DGLUCY: variants seen among roughly 807,000 people sequenced by gnomAD.
The protein encoded by DGLUCY is D-glutamate cyclase.
Under a neutral mutation model 58.5 loss-of-function variants are expected in DGLUCY, and 58 were observed. That is an observed-to-expected ratio of 0.99 (90% CI 0.80 to 1.23). The LOEUF is 1.23. Among genes scored for constraint, DGLUCY ranks in the 50% most tolerant of loss-of-function variants. The pLI, the probability that DGLUCY is intolerant of heterozygous loss-of-function variation, is 0.00. For missense variants in DGLUCY, 779 were observed against 784.7 expected, an observed-to-expected ratio of 0.99 and a Z score of 0.09; for synonymous variants, 325 against 314.1, an observed-to-expected ratio of 1.03 and a Z score of -0.37.
chr14:91,129,560 A>AC (rs1238137975), intron 1 of DGLUCY, among the ~76,000 whole-genome samples: 2 of 150,700 alleles, frequency 1.3e-5, no homozygotes, highest in African/African-American at 4.9e-5. Context: ...ATATAGGGAG[A>AC]CCCCTTCACT....
chr14:91,137,996 G>C (rs567304023), intron 1 of DGLUCY, among the ~76,000 whole-genome samples: 1 of 152,076 alleles, frequency 6.6e-6, no homozygotes, highest in Non-Finnish European at 1.5e-5. Flanking sequence ...AAGACACTGC[G>C]TGATTCAGTT....
chr14:91,130,756 C>T (rs2045983013), intron 1 of DGLUCY, among the ~76,000 whole-genome samples: 1 of 151,898 alleles, frequency 6.6e-6, no homozygotes, highest in Non-Finnish European at 1.5e-5. Flanking sequence ...GTAGTTGGGA[C>T]CACAGATGTG....
In DGLUCY at chr14:91,188,942, G is replaced by A; in HGVS notation, c.967G>A (p.Asp323Asn). ...GGGGATTGGGCACCTGCTCTGTAAAGATGAGCTGCTGAAGGCCTCTCTCTC... is the reference window on the plus strand; with the variant it reads ...GGGGATTGGGCACCTGCTCTGTAAAAATGAGCTGCTGAAGGCCTCTCTCTC... ...NRGIGHLLCK[D>N]ELLKASLSLS... The change falls in exon 9 of 14, where the codon GAT becomes AAT. Residue 323 changes from aspartate (D) to asparagine (N), a missense_variant. Asp to Asn is a conservative substitution (Grantham distance 23). Transcript: ENST00000256324. The A allele has an allele frequency of 2.5e-6, 4 of 1,614,188 alleles. No individual in the cohort carries two copies. The highest frequency in any genetic ancestry group is 2.2e-5 in the East Asian group (1 of 44,890).
intron 1 of DGLUCY, among the ~76,000 whole-genome samples, chr14:91,080,323 G>T (rs997536327): frequency 6.6e-6 from 1 of 152,188 alleles, no homozygotes; most frequent in South Asian, 2.1e-4. Context: ...TAGGACTGCC[G>T]AATCATACAG....
At position 91,073,021 on chromosome 14, in the gene DGLUCY, A is replaced by G. The variant is rs578239564; in HGVS notation, c.-82+12317A>G. Among the ~76,000 whole-genome samples, 97 of 151,950 alleles carry G rather than the reference A, an allele frequency of 6.4e-4. 1 individual carries two copies. Among genetic ancestry groups the G allele is most frequent in the Non-Finnish European group, 1.1e-3 (73 of 67,932 alleles). The stretch of plus-strand genomic sequence containing the variant: ...AAAAAATAAAAAACATAAAATAAAA[A>G]TAACAGTCATTTTTCTTGAGTAGTG... On this transcript the variant is annotated intron_variant, in intron 1 of 4. Coordinates refer to the DGLUCY transcript ENST00000521334.
At chr14:91,146,127 C>T (rs1259365233) in intron 1 of DGLUCY, among the ~76,000 whole-genome samples, 1 of 152,196 alleles carries the variant, frequency 6.6e-6, no homozygotes, top group Non-Finnish European at 1.5e-5. Flanking sequence ...CCCTCCTCAG[C>T]CTCCCAAAGT....
chr14:91,076,881 C>T (rs1003560250), intron 1 of DGLUCY, among the ~76,000 whole-genome samples: 5 of 152,074 alleles, frequency 3.3e-5, no homozygotes, highest in Non-Finnish European at 5.9e-5. Flanking sequence ...AGTGCCAGCA[C>T]GACTCCACAG....
rs2295524 is a variant in DGLUCY, at chr14:91,204,780, G to A, written c.1519G>A (p.Asp507Asn). ...TGTGAGGAGGCACATACGGCACGGG[G>A]ATGTCATCGCCTGCGACGTGGAGGC... ...EAVRRHIRHG[D>N]VIACDVEADF... The change falls in exon 12 of 14, where the codon GAT becomes AAT. Residue 507 changes from aspartate (D) to asparagine (N), a missense_variant. Coordinates refer to ENST00000256324, the MANE Select transcript of DGLUCY (RefSeq NM_001102368.3). The A allele has an allele frequency of 0.098, 157,453 of 1,613,866 alleles. 9,924 individuals carry two copies. The highest frequency in any genetic ancestry group is 0.27 in the African/African-American group (20,097 of 74,960).
chr14:91,088,915 C>T (rs960845406), intron 1 of DGLUCY, among the ~76,000 whole-genome samples: 1 of 152,198 alleles, frequency 6.6e-6, no homozygotes, highest in Non-Finnish European at 1.5e-5. Context: ...AGCTCTGTCC[C>T]CAGGATGAAT....
chr14:91,087,193 T>G (rs189826313), intron 1 of DGLUCY, among the ~76,000 whole-genome samples: 5 of 152,352 alleles, frequency 3.3e-5, no homozygotes, highest in African/African-American at 1.2e-4. Flanking sequence ...AACCAATATC[T>G]TATTCATCTT....
intron 9 of DGLUCY, among the ~76,000 whole-genome samples, chr14:91,194,785 C>T (rs537116623): frequency 1.3e-5 from 2 of 152,192 alleles, no homozygotes; most frequent in South Asian, 2.1e-4. Context: ...GTGATCTGCC[C>T]GCCTCAGACT....
intron 8 of DGLUCY, among the ~76,000 whole-genome samples, chr14:91,184,347 C>T (rs1200128792): frequency 2.0e-5 from 3 of 151,440 alleles, no homozygotes; most frequent in Admixed American, 6.6e-5. Flanking sequence ...AGTTGAAGAC[C>T]AGCCTGGCCA....
intron 9 of DGLUCY, among the ~76,000 whole-genome samples, chr14:91,194,229 G>A (rs1235465375): frequency 1.3e-5 from 2 of 152,178 alleles, no homozygotes; most frequent in African/African-American, 4.8e-5. Flanking sequence ...ATTTTGTAGA[G>A]GAGGTAACCA....
upstream of DGLUCY, among the ~76,000 whole-genome samples, chr14:91,113,302 A>G (rs1171706907): frequency 1.3e-5 from 2 of 152,186 alleles, no homozygotes; most frequent in Admixed American, 1.3e-4. Context: ...TCTGTCTCAA[A>G]ATAACAACAA....
At chr14:91,217,110 C>G (rs948957803) in intron 13 of DGLUCY, among the ~76,000 whole-genome samples, 4 of 152,254 alleles carry the variant, frequency 2.6e-5, no homozygotes, top group Non-Finnish European at 5.9e-5. Flanking sequence ...GTGGACCAGA[C>G]TTGCGGGACA....
chr14:91,190,607 C>T (rs2140510577), intron 9 of DGLUCY, among the ~76,000 whole-genome samples: 1 of 152,048 alleles, frequency 6.6e-6, no homozygotes, highest in South Asian at 2.1e-4. Context: ...GGAAGGGCAT[C>T]CTGGACTGTG....
chr14:91,145,453 C>T (rs1331654987), intron 1 of DGLUCY: 1 of 152,264 alleles, frequency 6.6e-6, no homozygotes, highest in Non-Finnish European at 1.5e-5. Flanking sequence ...CCACTATGCC[C>T]AGAGACACTG....
intron 3 of DGLUCY, among the ~76,000 whole-genome samples, chr14:91,162,664 A>G (rs2048056562): frequency 6.6e-6 from 1 of 152,226 alleles, no homozygotes; most frequent in African/African-American, 2.4e-5. Context: ...TGAGATGCCA[A>G]GGCAAGTGGA....
At chr14:91,094,487 A>C (rs2140071377) in intron 1 of DGLUCY, among the ~76,000 whole-genome samples, 1 of 151,126 alleles carries the variant, frequency 6.6e-6, no homozygotes, top group African/African-American at 2.4e-5. Context: ...CCAGAGGCAG[A>C]GGTGACCATG....
Sources: allele counts gnomAD v4.1 joint callset (sites outside exome capture counted in the v4.1 genomes callset), GRCh38; gene constraint gnomAD v4.1.1; transcripts MANE v1.5; gene names NCBI Gene and HGNC (gene_info 2026-07-23, HGNC 2026-07-21).